NDEL1: variants seen among roughly 807,000 people sequenced by gnomAD.
The protein encoded by NDEL1 is nuclear distribution protein nudE-like 1.
A neutral mutation model predicts 45.7 loss-of-function variants in NDEL1; 9 were observed. The ratio of observed to expected loss-of-function variants is 0.20; its 90% confidence interval spans 0.12 to 0.34. The LOEUF is 0.34. Among genes scored for constraint, NDEL1 ranks in the 10% least tolerant of loss-of-function variants. The pLI is 1.00. For missense variants in NDEL1, 306 were observed against 406.2 expected (o/e 0.75, Z 2.12); for synonymous variants, 133 against 158.6 (o/e 0.84, Z 1.21).
At chr17:8,456,778 C>T (rs939568064) in intron 7 of NDEL1, among the ~76,000 whole-genome samples, 3 of 152,184 alleles carry the variant, frequency 2.0e-5, no homozygotes, top group Admixed American at 2.0e-4. Flanking sequence ...GGATTACAGG[C>T]ATGAGCCACC....
chr17:8,430,698 T>G (rs1369586761), intron 1 of NDEL1, among the ~76,000 whole-genome samples: 1 of 152,224 alleles, frequency 6.6e-6, no homozygotes, highest in Non-Finnish European at 1.5e-5. Flanking sequence ...AACCCCTTCC[T>G]AATGATTTAT....
At chr17:8,435,803 C>T, upstream of NDEL1, 1 of 405,328 alleles carries the variant, frequency 2.5e-6, no homozygotes, top group Admixed American at 2.7e-5. Flanking sequence ...CCGCCCCACC[C>T]CGCCCCGCAT....
intron 1 of NDEL1, among the ~76,000 whole-genome samples, chr17:8,436,861 T>C (rs1196147368): frequency 6.6e-6 from 1 of 152,200 alleles, no homozygotes; most frequent in Non-Finnish European, 1.5e-5. Flanking sequence ...GGGGTAATTA[T>C]TTATACTTAG....
intron 1 of NDEL1, 36 bp from the exon 2 acceptor site, chr17:8,444,224 C>T: frequency 6.1e-6 from 8 of 1,318,312 alleles, no homozygotes; most frequent in Non-Finnish European, 8.7e-6. Context: ...TTTCTCTGTT[C>T]TCTAATTTGT....
chr17:8,429,478 T>G (rs922294517), intron 1 of NDEL1, among the ~76,000 whole-genome samples: 3 of 152,240 alleles, frequency 2.0e-5, no homozygotes, highest in African/African-American at 7.2e-5. Context: ...AGTGCTCACT[T>G]TGGGACTTTG....
rs372536604 is a variant in NDEL1, at chr17:8,446,715, A to G, written c.241-39A>G. 9.9e-6 allele frequency: 16 copies of G among 1,608,820 alleles called. No homozygotes were observed. In the Admixed American group the frequency reaches 1.2e-4, roughly 12 times the overall value. ...TTACCTCTTTAGTAAAGAGAACTGT[A>G]TATTAATGACATGTACTTTCCTATA... On this transcript the variant is annotated intron_variant, in intron 3 of 8. Transcript: ENST00000334527.
At chr17:8,448,025 G>A (rs1910205728) in intron 4 of NDEL1, among the ~76,000 whole-genome samples, 1 of 152,034 alleles carries the variant, frequency 6.6e-6, no homozygotes, top group African/African-American at 2.4e-5. Flanking sequence ...CTGAAGTGAA[G>A]TTACAAAGTG....
chr17:8,472,154 C>T (rs1911850896), downstream of NDEL1, among the ~76,000 whole-genome samples: 1 of 152,178 alleles, frequency 6.6e-6, no homozygotes, highest in Non-Finnish European at 1.5e-5. Flanking sequence ...TGTCCCTCAG[C>T]AGCACCGGCC....
At chr17:8,454,754 G>A (rs1371641831) in intron 6 of NDEL1, 42 bp from the exon 7 acceptor site, 3 of 1,486,874 alleles carry the variant, frequency 2.0e-6, no homozygotes, top group Non-Finnish European at 2.8e-6. Flanking sequence ...CAAATGTAAA[G>A]GGAACTGCAA....
In NDEL1 at chr17:8,435,926, T is replaced by C. The variant is rs1399662872; in HGVS notation, c.-132T>C. The C allele has an allele frequency of 1.3e-5, 6 of 447,520 alleles. No individual in the cohort carries two copies. Among genetic ancestry groups the C allele is most frequent in the Non-Finnish European group, 2.7e-5 (6 of 222,914 alleles). The allele number at this position is 447,520 out of a possible 1,614,324, so 27.7% of individuals were successfully genotyped here. On this transcript the variant is annotated 5_prime_UTR_variant, in exon 1 of 9. Transcript: ENST00000334527. ...GGAGGAGCCGGGCGCGGAGGTACGCTGAGTGGAGCTCGGGGCTGCGTAGGG... is the reference window on the plus strand; with the variant it reads ...GGAGGAGCCGGGCGCGGAGGTACGCCGAGTGGAGCTCGGGGCTGCGTAGGG...
At chr17:8,417,433 A>G (rs1321849613) in intron 1 of NDEL1, among the ~76,000 whole-genome samples, 2 of 152,014 alleles carry the variant, frequency 1.3e-5, no homozygotes, top group African/African-American at 4.8e-5. Flanking sequence ...CTTTTATGCT[A>G]TTTTGTTCTA....
At chr17:8,428,007 T>C (rs983154075) in intron 1 of NDEL1, among the ~76,000 whole-genome samples, 2 of 152,240 alleles carry the variant, frequency 1.3e-5, no homozygotes, top group Non-Finnish European at 2.9e-5. Context: ...AAGAGAATCC[T>C]ATGAATATGA....
At position 8,467,996 on chromosome 17, in the gene NDEL1, A is replaced by C. The variant is rs145640952; in HGVS notation, c.*973A>C. ...TTATTGCCTGAGATATTTGTATATA[A>C]CTTGGGCTTTGTAGCTTTTATTTAT... On this transcript the variant is annotated 3_prime_UTR_variant, in exon 9 of 9. Coordinates refer to ENST00000334527, the MANE Select transcript of NDEL1 (RefSeq NM_030808.5). This position sits in a 1 kb window ranked among gnomAD's most constrained non-coding sequence, Gnocchi z 6.3. 1 of 152,760 alleles carries C rather than the reference A, an allele frequency of 6.5e-6. No individual in the cohort carries two copies. The highest frequency in any genetic ancestry group is 1.9e-4 in the East Asian group (1 of 5,190). 9.5% of individuals were successfully genotyped at this position (152,760 alleles called of 1,614,324 possible).
At chr17:8,426,022 T>C (rs555445181) in intron 1 of NDEL1, among the ~76,000 whole-genome samples, 5 of 152,360 alleles carry the variant, frequency 3.3e-5, no homozygotes, top group African/African-American at 1.2e-4. Flanking sequence ...ATTCCTGGCC[T>C]CAAGTGATCC....
intron 8 of NDEL1, among the ~76,000 whole-genome samples, chr17:8,460,728 A>G (rs1325600259): frequency 6.6e-6 from 1 of 152,214 alleles, no homozygotes; most frequent in Non-Finnish European, 1.5e-5. Flanking sequence ...TGAACTAAAA[A>G]GTCATGGTTT....
chr17:8,428,314 A>AGT (rs796793337), intron 1 of NDEL1, among the ~76,000 whole-genome samples: 3 of 139,768 alleles, frequency 2.1e-5, no homozygotes, highest in African/African-American at 7.8e-5. Context: ...TCAAGGCTCA[A>AGT]GTGTGTGTGG....
intron 8 of NDEL1, among the ~76,000 whole-genome samples, chr17:8,462,610 C>T (rs1911281150): frequency 6.6e-6 from 1 of 152,146 alleles, no homozygotes; most frequent in Non-Finnish European, 1.5e-5. Context: ...AAAAGCCTGT[C>T]TGTGTAGAAG....
intron 1 of NDEL1, among the ~76,000 whole-genome samples, chr17:8,416,961 T>C (rs1908560234): frequency 6.6e-6 from 1 of 152,214 alleles, no homozygotes; most frequent in Non-Finnish European, 1.5e-5. Flanking sequence ...AGCGCTCTTG[T>C]TCTCACTTCT....
At chr17:8,421,328 C>T (rs558995048) in intron 1 of NDEL1, among the ~76,000 whole-genome samples, 2 of 152,260 alleles carry the variant, frequency 1.3e-5, no homozygotes, top group African/African-American at 4.8e-5. Context: ...GCAAAAGGGA[C>T]TTTGCAGACA....
Sources: gnomAD v4.1 joint callset for allele counts (sites outside exome capture counted in the v4.1 genomes callset) on GRCh38, gnomAD v4.1.1 for gene constraint, Gnocchi (gnomAD v3.1) non-coding constraint, MANE v1.5 for transcripts, NCBI Gene and HGNC (gene_info 2026-07-23, HGNC 2026-07-21) for gene names.